The following SHROOM3 variants were observed in gnomAD, a reference collection of about 807,000 sequenced individuals.
SHROOM3 encodes the protein shroom family member 3.
SHROOM3 carries 47 observed loss-of-function variants against 138.6 expected under a neutral mutation model. The ratio of observed to expected loss-of-function variants is 0.34; its 90% CI spans 0.27 to 0.43. The LOEUF (loss-of-function observed/expected upper bound fraction) is 0.43, where lower values mean the gene tolerates loss of function less well. Ranked by LOEUF, SHROOM3 falls within the 20% of genes least tolerant of loss-of-function variation. The pLI, the probability that SHROOM3 is intolerant of heterozygous loss-of-function variation, is 1.00. For missense variants in SHROOM3, 2,491 were observed against 2,596.5 expected, an observed-to-expected ratio of 0.96 and a Z score of 0.88; for synonymous variants, 1,062 against 1,063.3, an observed-to-expected ratio of 1.00 and a Z score of 0.02.
At chr4:76,511,565 C>T (rs2110005425) in intron 1 of SHROOM3, among the ~76,000 whole-genome samples, 1 of 152,304 alleles carries the variant, frequency 6.6e-6, no homozygotes, top group South Asian at 2.1e-4. Flanking sequence ...AAGTTTTCAC[C>T]TGTGATGAGC....
intron 10 of SHROOM3, 138 bp downstream of exon 10, chr4:76,771,036 G>A: frequency 8.7e-7 from 1 of 1,148,836 alleles, no homozygotes; most frequent in Non-Finnish European, 1.3e-6. Context: ...ACATGTATAG[G>A]TAACCAAGAA....
chr4:76,592,386 A>T (rs1734293077), intron 2 of SHROOM3, among the ~76,000 whole-genome samples: 1 of 152,268 alleles, frequency 6.6e-6, no homozygotes, highest in South Asian at 2.1e-4. Context: ...TGCCTAGCAC[A>T]CAGAAAATCT....
Position 76,559,574 on chromosome 4 carries a change from G to A in SHROOM3, c.323+3811G>A, listed in dbSNP as rs1436957136. 43 of 152,146 alleles carry A rather than the reference G, an allele frequency of 2.8e-4. 1 individual carries two copies. The highest frequency in any genetic ancestry group is 2.7e-3 in the Admixed American group (41 of 15,264). 9.4% of individuals were successfully genotyped at this position (152,146 alleles called of 1,614,324 possible). A position where few individuals can be genotyped will look rare whatever the true frequency, so the allele number is the denominator to read the frequency against. ...AATAAATCATTTGTGTAGTCAAAAT[G>A]TATATTTTGGCAGCCATGTACCTGC... On this transcript the variant is annotated intron_variant, in intron 2 of 10. Transcript: ENST00000296043.
At chr4:76,462,646 G>C (rs1731163300) in intron 1 of SHROOM3, among the ~76,000 whole-genome samples, 1 of 151,828 alleles carries the variant, frequency 6.6e-6, no homozygotes, top group Non-Finnish European at 1.5e-5. Flanking sequence ...TTGTTTGAAA[G>C]TGTAGCACTT....
At chr4:76,583,036 C>G (rs185395763) in intron 2 of SHROOM3, among the ~76,000 whole-genome samples, 26 of 152,302 alleles carry the variant, frequency 1.7e-4, no homozygotes, top group Non-Finnish European at 2.8e-4. Context: ...ACATGAGGAA[C>G]AGATGCGTTT....
intron 2 of SHROOM3, among the ~76,000 whole-genome samples, chr4:76,603,512 G>A (rs952762772): frequency 1.3e-5 from 2 of 152,082 alleles, no homozygotes; most frequent in Admixed American, 1.3e-4. Flanking sequence ...TATGATCAAA[G>A]CCTCTGACTT....
At chr4:76,709,906 T>G in intron 2 of SHROOM3, 1 of 440,344 alleles carries the variant, frequency 2.3e-6, no homozygotes, top group South Asian at 2.5e-5. Flanking sequence ...TTTTCTGAGA[T>G]TGGGAAATAA....
intron 1 of SHROOM3, among the ~76,000 whole-genome samples, chr4:76,548,705 A>G (rs1211582377): frequency 6.6e-6 from 1 of 152,260 alleles, no homozygotes; most frequent in East Asian, 1.9e-4. Flanking sequence ...CAATTAAAAA[A>G]TCAACGCCTC....
At chr4:76,506,552 T>C (rs1381767662) in intron 1 of SHROOM3, among the ~76,000 whole-genome samples, 1 of 152,122 alleles carries the variant, frequency 6.6e-6, no homozygotes, top group Non-Finnish European at 1.5e-5. Flanking sequence ...GCCTGGCACA[T>C]AGTGGGCTCT....
At chr4:76,616,664 G>A (rs375449512) in intron 2 of SHROOM3, among the ~76,000 whole-genome samples, 1 of 152,190 alleles carries the variant, frequency 6.6e-6, no homozygotes, top group East Asian at 1.9e-4. Context: ...GGTGGCTGTC[G>A]GGGACTGGGT....
chr4:76,730,704 G>T, intron 3 of SHROOM3, 100 bp from the exon 4 acceptor site: 2 of 1,514,658 alleles, frequency 1.3e-6, no homozygotes, highest in Non-Finnish European at 1.8e-6. Flanking sequence ...AATCTCTGAG[G>T]ACACAGCAGT....
intron 2 of SHROOM3, among the ~76,000 whole-genome samples, chr4:76,678,742 C>G (rs1719109101): frequency 6.6e-6 from 1 of 152,172 alleles, no homozygotes; most frequent in Non-Finnish European, 1.5e-5. Flanking sequence ...CTCACTGCAA[C>G]CTCCGCCTCC....
At chr4:76,515,352 T>C (rs7664667) in intron 1 of SHROOM3, among the ~76,000 whole-genome samples, 29,399 of 151,390 alleles carry the variant, frequency 0.19, 3,509 homozygotes, top group African/African-American at 0.33. Context: ...TGCCACTGCA[T>C]TCCAGCCTGG....
intron 1 of SHROOM3, among the ~76,000 whole-genome samples, chr4:76,473,189 A>G (rs1731415364): frequency 6.6e-6 from 1 of 152,256 alleles, no homozygotes; most frequent in Non-Finnish European, 1.5e-5. Context: ...AAAATTAAAG[A>G]CTTGTGCTTC....
chr4:76,468,603 A>AAT (rs1434090505), intron 1 of SHROOM3, among the ~76,000 whole-genome samples: 13 of 151,088 alleles, frequency 8.6e-5, no homozygotes, highest in African/African-American at 3.2e-4. Flanking sequence ...ATTATATATA[A>AAT]ATATATATAC....
In SHROOM3 at chr4:76,741,344, G is replaced by C; in HGVS notation, c.3171G>C (p.Arg1057=). The C allele has an allele frequency of 6.2e-7, 1 of 1,610,488 alleles. No individual in the cohort carries two copies. The highest frequency in any genetic ancestry group is 8.5e-7 in the Non-Finnish European group (1 of 1,179,046). ...MRFPESSVAD[R]RRLFERDGKA... is the part of the protein sequence containing the mutation. ...TCCCGGAGAGCAGCGTGGCCGACCGGCGCCGTCTCTTCGAGCGCGATGGCA... is the reference window on the plus strand; with the variant it reads ...TCCCGGAGAGCAGCGTGGCCGACCGCCGCCGTCTCTTCGAGCGCGATGGCA... The change falls in exon 5 of 11, where the codon CGG becomes CGC. Residue 1057 remains arginine (R), a synonymous_variant. Transcript: ENST00000296043. The surrounding 1 kb of genome is among the most constrained non-coding windows in gnomAD (Gnocchi z 6.2).
chr4:76,707,216 G>A (rs1026550075), intron 2 of SHROOM3, among the ~76,000 whole-genome samples: 4 of 152,134 alleles, frequency 2.6e-5, no homozygotes, highest in Non-Finnish European at 5.9e-5. Flanking sequence ...TAATTGTAAC[G>A]CCTACAAAAT....
intron 1 of SHROOM3, among the ~76,000 whole-genome samples, chr4:76,468,208 C>G (rs1731287642): frequency 6.6e-6 from 1 of 152,202 alleles, no homozygotes; most frequent in Non-Finnish European, 1.5e-5. Context: ...AGGAAACATT[C>G]TACATATAGG....
At chr4:76,663,020 A>T (rs1211519486) in intron 2 of SHROOM3, among the ~76,000 whole-genome samples, 1 of 152,098 alleles carries the variant, frequency 6.6e-6, no homozygotes, top group East Asian at 1.9e-4. Flanking sequence ...AGCCTAGAAC[A>T]TTGTCTACTA....
Sources: allele counts gnomAD v4.1 joint callset (sites outside exome capture counted in the v4.1 genomes callset), GRCh38; gene constraint gnomAD v4.1.1; non-coding constraint Gnocchi (gnomAD v3.1); transcripts MANE v1.5; gene names NCBI Gene and HGNC (gene_info 2026-07-23, HGNC 2026-07-21).